CACNA1S: variants seen among roughly 807,000 people sequenced by gnomAD.
CACNA1S encodes the protein voltage-dependent L-type calcium channel subunit alpha-1S.
Under a neutral mutation model 207.4 loss-of-function variants are expected in CACNA1S, and 126 were observed. The observed-to-expected ratio is 0.61, with a 90% confidence interval of 0.53 to 0.70. The LOEUF is 0.70. Among genes scored for constraint, CACNA1S ranks in the 30% least tolerant of loss-of-function variants. CACNA1S has a pLI of 0.00. For synonymous variants in CACNA1S, 960 were observed against 932.7 expected, an observed-to-expected ratio of 1.03 and a Z score of -0.53; for missense variants, 2,349 against 2,422.8, an observed-to-expected ratio of 0.97 and a Z score of 0.64.
intron 2 of CACNA1S, among the ~76,000 whole-genome samples, chr1:201,107,562 G>A (rs561083025): frequency 6.6e-6 from 1 of 152,306 alleles, no homozygotes; most frequent in African/African-American, 2.4e-5. Flanking sequence ...AGATGCATTC[G>A]TTAAATGAAT....
intron 2 of CACNA1S, among the ~76,000 whole-genome samples, chr1:201,107,623 G>A (rs1438388425): frequency 3.3e-5 from 5 of 152,134 alleles, no homozygotes; most frequent in Non-Finnish European, 5.9e-5. Flanking sequence ...TGAAAGCTAC[G>A]GGTTATTCTG....
chr1:201,101,140 T>C (rs1662645198), intron 2 of CACNA1S, among the ~76,000 whole-genome samples: 1 of 152,214 alleles, frequency 6.6e-6, no homozygotes, highest in Non-Finnish European at 1.5e-5. Context: ...CAAAGCCAGA[T>C]AAGTTTTCCT....
intron 5 of CACNA1S, among the ~76,000 whole-genome samples, chr1:201,089,711 G>C (rs1317738175): frequency 2.6e-5 from 4 of 152,340 alleles, no homozygotes; most frequent in Admixed American, 2.0e-4. Context: ...TCGGCTTCTA[G>C]GATTAATTGT....
In CACNA1S at chr1:201,077,906, C is replaced by A. The variant is rs748711395; in HGVS notation, c.1592G>T (p.Arg531Leu). 1.9e-6 allele frequency: 3 copies of A among 1,613,742 alleles called. No individual in the cohort carries two copies. The highest frequency in any genetic ancestry group is 2.5e-6 in the Non-Finnish European group (3 of 1,179,788). ...PLGISVLRCI[R>L]LLRIFKITKY... is the part of the protein sequence containing the mutation. ...GGTGATCTTGAAGATCCTCAGGAGG[C>A]GGATGCAGCGGAGCACGGAGATGCC... is the stretch of plus-strand genomic sequence containing the variant. The change falls in exon 11 of 44, where the codon CGC (arginine) becomes CTC (leucine). Residue 531 changes from arginine (R) to leucine (L), a missense_variant. Coordinates refer to ENST00000362061, the MANE Select transcript of CACNA1S (RefSeq NM_000069.3).
chr1:201,078,225 T>G, intron 10 of CACNA1S, 121 bp from the exon 11 acceptor site: 1 of 819,996 alleles, frequency 1.2e-6, no homozygotes, highest in South Asian at 1.4e-5. Flanking sequence ...GCACCATGGA[T>G]GTTTTTTGGG....
chr1:201,057,127 C>T (rs1476739771), intron 28 of CACNA1S, among the ~76,000 whole-genome samples: 1 of 152,230 alleles, frequency 6.6e-6, no homozygotes, highest in Non-Finnish European at 1.5e-5. Flanking sequence ...TCTCATCTCC[C>T]TCAGAATAAA....
intron 9 of CACNA1S, among the ~76,000 whole-genome samples, chr1:201,084,020 G>A (rs545413819): frequency 9.2e-5 from 14 of 152,066 alleles, no homozygotes; most frequent in Non-Finnish European, 1.8e-4. Context: ...ACTACATTAT[G>A]GCATATTCAT....
At chr1:201,082,534 T>A (rs916143902) in intron 10 of CACNA1S, among the ~76,000 whole-genome samples, 1 of 152,200 alleles carries the variant, frequency 6.6e-6, no homozygotes, top group South Asian at 2.1e-4. Context: ...TGTTTACCTA[T>A]CCTTTAAGAT....
chr1:201,065,223 C>A (rs1661199764), intron 22 of CACNA1S, among the ~76,000 whole-genome samples: 1 of 152,220 alleles, frequency 6.6e-6, no homozygotes, highest in Non-Finnish European at 1.5e-5. Context: ...TCAGTTGAAG[C>A]AAATTCACTT....
rs1465455126 is a variant in CACNA1S at position 201,069,513 on chromosome 1, C to A, written c.2449G>T (p.Ala817Ser). The A allele has an allele frequency of 6.3e-7, 1 of 1,596,952 alleles. No individual in the cohort carries two copies. The highest frequency in any genetic ancestry group is 1.8e-5 in the Admixed American group (1 of 56,054). Residue 817 changes from alanine to serine, a missense_variant, in exon 18 of 44, where the codon GCT becomes TCT. Coordinates refer to ENST00000362061, the MANE Select transcript of CACNA1S (RefSeq NM_000069.3). Reference sequence around the variant, plus strand: ...TCAGCCCGGATGGGGTCTTCCGCAGCCAGTGCAGCGCTGCTGAGCAGGATG... The same window carrying A: ...TCAGCCCGGATGGGGTCTTCCGCAGACAGTGCAGCGCTGCTGAGCAGGATG... ...LFILLSSAALAAEDPIRADSM... is the reference protein window; with the variant it reads ...LFILLSSAALSAEDPIRADSM...
At chr1:201,057,317 T>C (rs556405103) in intron 28 of CACNA1S, among the ~76,000 whole-genome samples, 1 of 152,370 alleles carries the variant, frequency 6.6e-6, no homozygotes, top group South Asian at 2.1e-4. Context: ...GCCAACACTC[T>C]GGCCCCCGTT....
chr1:201,055,035 G>A (rs1222961879), intron 28 of CACNA1S, among the ~76,000 whole-genome samples: 1 of 152,202 alleles, frequency 6.6e-6, no homozygotes, highest in East Asian at 1.9e-4. Context: ...CTCTGGGGGA[G>A]TCTGAAATCC....
intron 2 of CACNA1S, among the ~76,000 whole-genome samples, chr1:201,096,340 G>A (rs909870088): frequency 1.3e-5 from 2 of 152,228 alleles, no homozygotes; most frequent in Non-Finnish European, 2.9e-5. Context: ...AGAGGGAAAA[G>A]GGATGTGTCC....
chr1:201,058,921 C>A (rs928856950), intron 27 of CACNA1S, among the ~76,000 whole-genome samples: 4 of 152,196 alleles, frequency 2.6e-5, no homozygotes, highest in Non-Finnish European at 5.9e-5. Context: ...TGGGACTGTT[C>A]TTCAGAAACT....
intron 17 of CACNA1S, among the ~76,000 whole-genome samples, 162 bp from the exon 18 acceptor site, chr1:201,069,763 C>T (rs771015159): frequency 2.0e-5 from 3 of 152,166 alleles, no homozygotes; most frequent in Non-Finnish European, 4.4e-5. Flanking sequence ...GCTGGACACA[C>T]AGGGGGCCCT....
chr1:201,112,396 C>T lies in CACNA1S; in HGVS notation c.-57G>A, dbSNP rs1039004486. 5.0e-6 allele frequency: 8 copies of T among 1,611,812 alleles called. No homozygotes were observed. In the African/African-American group the frequency reaches 5.3e-5, roughly 11 times the overall value. On this transcript the variant is annotated 5_prime_UTR_variant, in exon 1 of 44. Coordinates refer to ENST00000362061, the MANE Select transcript of CACNA1S (RefSeq NM_000069.3). Reference sequence around the variant, plus strand: ...CCCCCACCCCAGTGCTTTCCCTTCCCTGTGTCCCCAATGCCCCCGCCTTGG... The same window carrying T: ...CCCCCACCCCAGTGCTTTCCCTTCCTTGTGTCCCCAATGCCCCCGCCTTGG...
intron 28 of CACNA1S, 37 bp from the exon 29 acceptor site, chr1:201,054,598 G>T (rs1158869820): frequency 4.5e-6 from 7 of 1,560,300 alleles, no homozygotes; most frequent in Non-Finnish European, 2.6e-6. Context: ...GGAAGGAGAG[G>T]AGAGAGAGGA....
At chr1:201,050,654 C>T (rs567690198) in intron 33 of CACNA1S, 138 bp from the exon 34 acceptor site, 53 of 885,624 alleles carry the variant, frequency 6.0e-5, no homozygotes, top group Admixed American at 9.8e-5. Context: ...GAACCACCCA[C>T]ATCACACACA....
chr1:201,042,916 A>T (rs5010839), intron 40 of CACNA1S: 65,052 of 281,662 alleles, frequency 0.23, 8,681 homozygotes, highest in Non-Finnish European at 0.29. Context: ...CTTGGAACCT[A>T]AATCCAGTGA....
Sources: allele counts gnomAD v4.1 joint callset (sites outside exome capture counted in the v4.1 genomes callset), GRCh38; gene constraint gnomAD v4.1.1; transcripts MANE v1.5; gene names NCBI Gene and HGNC (gene_info 2026-07-23, HGNC 2026-07-21).